KIAA2013: variants seen among roughly 807,000 people sequenced by gnomAD.
The protein encoded by KIAA2013 is uncharacterized protein KIAA2013.
KIAA2013 carries 20 observed loss-of-function variants against 39.9 expected under a neutral mutation model. The observed-to-expected ratio is 0.50, with a 90% CI of 0.35 to 0.73. KIAA2013 has a LOEUF of 0.73. Among genes scored for constraint, KIAA2013 ranks in the 30% least tolerant of loss-of-function variants. The pLI is 0.01. For missense variants in KIAA2013, 587 were observed against 856.1 expected, an observed-to-expected ratio of 0.69 and a Z score of 3.92; for synonymous variants, 336 against 416.6, an observed-to-expected ratio of 0.81 and a Z score of 2.35.
intron 2 of KIAA2013, among the ~76,000 whole-genome samples, chr1:11,921,750 G>A (rs9786969): frequency 0.23 from 35,534 of 151,618 alleles, 4,356 homozygotes; most frequent in African/African-American, 0.31. Context: ...GGGTTTCACC[G>A]TGTTGGCCAG....
chr1:11,920,792 C>T (rs72857780), intron 2 of KIAA2013, among the ~76,000 whole-genome samples: 2,269 of 152,302 alleles, frequency 0.015, 51 homozygotes, highest in African/African-American at 0.052. Context: ...GATTTTTCTT[C>T]GAACTTGAGG....
In KIAA2013 at chr1:11,925,818, C is replaced by T. The variant is rs751062623; in HGVS notation, c.420G>A (p.Ala140=). 6.5e-6 allele frequency: 10 copies of T among 1,540,110 alleles called. No individual in the cohort carries two copies. The highest frequency in any genetic ancestry group is 8.7e-6 in the Non-Finnish European group (10 of 1,151,128). Residue 140 remains alanine, a synonymous_variant, in exon 1 of 3, where the codon GCG becomes GCA. Transcript: ENST00000376572. The surrounding 1 kb of genome is among the most constrained non-coding windows in gnomAD (Gnocchi z 5.2). ...GAAGCCCCTCCCGCAGCAGCAGCAC[C>T]GCCTCTCCAGCTTCAGCCAGCGCGC... ...PLSALAEAGE[A]VLLLREGLLR... is the part of the protein sequence containing the mutation.
rs946160469 is a variant in KIAA2013 at position 11,923,677 on chromosome 1, G to T, written c.1034-188C>A. Among the ~76,000 whole-genome samples the T allele has an allele frequency of 2.0e-5, 3 of 152,136 alleles. No homozygotes were observed. The highest frequency in any genetic ancestry group is 7.2e-5 in the African/African-American group (3 of 41,426). On this transcript the variant is annotated intron_variant, in intron 1 of 2. Coordinates refer to ENST00000376572, the MANE Select transcript of KIAA2013 (RefSeq NM_138346.3). The surrounding 1 kb of genome is among the most constrained non-coding windows in gnomAD (Gnocchi z 4.6). ...TTTACACGACCAACTTGAGCCTGTG[G>T]GCCTGAAATCTAGAATCCTGTTAAA...
Position 11,925,870 on chromosome 1 carries a change from A to G in KIAA2013, c.368T>C (p.Val123Ala), listed in dbSNP as rs1403095073. ...CAGCGGGCGCAGCTGCACGAAGGGC[A>G]CAAAGTCCGGCGCCACGGCGGGCTC... ...EREPAVAPDF[V>A]PFVQLRPLSA... The change falls in exon 1 of 3, where the codon GTG (valine) becomes GCG (alanine). Residue 123 changes from valine (V) to alanine (A), a missense_variant. By Grantham distance (64) the Val-to-Ala change is moderately conservative. Coordinates refer to ENST00000376572, the MANE Select transcript of KIAA2013 (RefSeq NM_138346.3). This position sits in a 1 kb window ranked among gnomAD's most constrained non-coding sequence, Gnocchi z 5.2. The G allele has an allele frequency of 2.6e-6, 4 of 1,530,658 alleles. No homozygotes were observed. Among genetic ancestry groups the G allele is most frequent in the Non-Finnish European group, 3.5e-6 (4 of 1,145,724 alleles). The allele number at this position is 1,530,658 out of a possible 1,614,324, so 94.8% of individuals were successfully genotyped here. A position where few individuals can be genotyped will look rare whatever the true frequency, so the allele number is the denominator to read the frequency against.
In KIAA2013 at chr1:11,923,295, C is replaced by T. The variant is rs145773140; in HGVS notation, c.1228G>A (p.Glu410Lys). The T allele has an allele frequency of 3.2e-3, 5,130 of 1,613,290 alleles. 18 individuals are homozygous for T. Among genetic ancestry groups the T allele is most frequent in the Non-Finnish European group, 3.9e-3 (4,648 of 1,179,510 alleles). Reference protein sequence around the residue: ...CFSGHATMHAENLWPGRLSSV... With the variant: ...CFSGHATMHAKNLWPGRLSSV... Reference sequence around the variant, plus strand: ...GACAGCCGCCCCGGCCACAGGTTCTCGGCGTGCATGGTGGCGTGCCCGCTG... The same window carrying T: ...GACAGCCGCCCCGGCCACAGGTTCTTGGCGTGCATGGTGGCGTGCCCGCTG... The change falls in exon 2 of 3, where the codon GAG becomes AAG. Residue 410 changes from glutamate to lysine, a missense_variant. Coordinates refer to ENST00000376572, the MANE Select transcript of KIAA2013 (RefSeq NM_138346.3). This position sits in a 1 kb window ranked among gnomAD's most constrained non-coding sequence, Gnocchi z 4.6.
chr1:11,921,447 T>C (rs367647538), intron 2 of KIAA2013, among the ~76,000 whole-genome samples: 7 of 152,150 alleles, frequency 4.6e-5, no homozygotes, highest in African/African-American at 1.4e-4. Context: ...AACAGGCACA[T>C]GGGGGGAAGC....
chr1:11,923,694 C>T lies in KIAA2013; in HGVS notation c.1034-205G>A, dbSNP rs1257855485. On this transcript the variant is annotated intron_variant, in intron 1 of 2. Transcript: ENST00000376572. The surrounding 1 kb of genome is among the most constrained non-coding windows in gnomAD (Gnocchi z 4.6). ...AGCCTGTGGGCCTGAAATCTAGAAT[C>T]CTGTTAAAAAGCAGCGGGGCCTGGT... 2.0e-5 allele frequency among the ~76,000 whole-genome samples: 3 copies of T among 152,120 alleles called. No individual in the cohort carries two copies. Among genetic ancestry groups the T allele is most frequent in the Non-Finnish European group, 4.4e-5 (3 of 68,020 alleles).
Position 11,924,679 on chromosome 1 carries a change from G to A in KIAA2013, c.1033+526C>T, listed in dbSNP as rs74536935. Among the ~76,000 whole-genome samples the A allele has an allele frequency of 2.1e-3, 326 of 152,252 alleles. 4 individuals are homozygous for A. In the East Asian group the frequency reaches 0.04, roughly 19 times the overall value. On this transcript the variant is annotated intron_variant, in intron 1 of 2. Transcript: ENST00000376572. ...GATTTTCTTTTCTTTAACAGTCAAC[G>A]AGAGGAGAGTTTTCATCGGGCGGGA...
At position 11,920,016 on chromosome 1, in the gene KIAA2013, G is replaced by T; in HGVS notation, c.*299C>A. 2.1e-6 allele frequency: 1 copy of T among 475,438 alleles called. No individual in the cohort carries two copies. The allele number at this position is 475,438 out of a possible 1,614,324, so 29.5% of individuals were successfully genotyped here. ...CTTTTCAAAAGATGATCTATTTCCT[G>T]GGACAGAAGAAAGGGGGAAAGTGGA... On this transcript the variant is annotated 3_prime_UTR_variant, in exon 3 of 3. Coordinates refer to ENST00000376572, the MANE Select transcript of KIAA2013 (RefSeq NM_138346.3).
Position 11,920,387 on chromosome 1 carries a change from A to G in KIAA2013, c.1888-55T>C, listed in dbSNP as rs535296425. 4.2e-5 allele frequency: 67 copies of G among 1,592,138 alleles called. No homozygotes were observed. In the East Asian group the frequency reaches 1.5e-3, roughly 36 times the overall value. ...CTGTTCACTGCCAACCCCAGTGGCC[A>G]GCTATAGAAATAGGCTACGGAGACA... is the stretch of plus-strand genomic sequence containing the variant. On this transcript the variant is annotated intron_variant, in intron 2 of 2. Coordinates refer to ENST00000376572, the MANE Select transcript of KIAA2013 (RefSeq NM_138346.3).
intron 2 of KIAA2013, among the ~76,000 whole-genome samples, chr1:11,921,543 T>C (rs1205391375): frequency 2.0e-5 from 3 of 151,416 alleles, no homozygotes; most frequent in Non-Finnish European, 4.4e-5. Flanking sequence ...ATTATTATTA[T>C]TTATTATTTA....
At position 11,925,756 on chromosome 1, in the gene KIAA2013, C is replaced by A; in HGVS notation, c.482G>T (p.Gly161Val). 2 of 1,545,558 alleles carry A rather than the reference C, an allele frequency of 1.3e-6. No homozygotes were observed. Among genetic ancestry groups the A allele is most frequent in the East Asian group, 2.4e-5 (1 of 42,332 alleles). ...RVRCLQLGSP[G>V]PGPVAAGPGP... ...GGGGCCGGCGGCCACGGGGCCAGGACCTGGGGACCCCAGCTGCAGGCAACG... is the reference window on the plus strand; with the variant it reads ...GGGGCCGGCGGCCACGGGGCCAGGAACTGGGGACCCCAGCTGCAGGCAACG... Residue 161 changes from glycine (G) to valine (V), a missense_variant, in exon 1 of 3, where the codon GGT becomes GTT. Physicochemically the swap from Gly to Val is moderately radical, Grantham distance 109. Transcript: ENST00000376572. The surrounding 1 kb of genome is among the most constrained non-coding windows in gnomAD (Gnocchi z 5.2).
rs746334208 is a variant in KIAA2013 at position 11,923,359 on chromosome 1, G to T, written c.1164C>A (p.Asp388Glu). The T allele has an allele frequency of 1.2e-6, 2 of 1,613,346 alleles. No homozygotes were observed. Among genetic ancestry groups the T allele is most frequent in the Non-Finnish European group, 1.7e-6 (2 of 1,180,028 alleles). The change falls in exon 2 of 3, where the codon GAC becomes GAA. Residue 388 changes from aspartate to glutamate, a missense_variant. Transcript: ENST00000376572. The surrounding 1 kb of genome is among the most constrained non-coding windows in gnomAD (Gnocchi z 4.6). ...LSPSLSHRER[D>E]QMESTLNYED... ...CATAGTTGAGCGTCGACTCCATCTGGTCTCGCTCCCTGTGGCTCAGGGAGG... is the reference window on the plus strand; with the variant it reads ...CATAGTTGAGCGTCGACTCCATCTGTTCTCGCTCCCTGTGGCTCAGGGAGG...
At chr1:11,924,238 C>T (rs774062665) in intron 1 of KIAA2013, among the ~76,000 whole-genome samples, 4 of 145,254 alleles carry the variant, frequency 2.8e-5, no homozygotes, top group Non-Finnish European at 6.1e-5. Context: ...CCAAGGTGGA[C>T]GGATCATGAG....
intron 2 of KIAA2013, among the ~76,000 whole-genome samples, chr1:11,920,917 G>C (rs1246259569): frequency 6.6e-6 from 1 of 152,154 alleles, no homozygotes; most frequent in Non-Finnish European, 1.5e-5. Context: ...GGATGTGATG[G>C]GACACTTCCC....
intron 2 of KIAA2013, 198 bp downstream of exon 2, chr1:11,922,438 C>A (rs1400546524): frequency 1.4e-5 from 21 of 1,460,282 alleles, no homozygotes; most frequent in Non-Finnish European, 1.8e-5. Context: ...TCAATTCACA[C>A]CTGGATTTCC....
chr1:11,926,186 A>T lies in KIAA2013; in HGVS notation c.52T>A (p.Trp18Arg). ...AGCAGGCAGAGGAGGCGGCGGGCCC[A>T]GCTGCTCGACAGCAGTCCCGGCAGC... ...KGLPGLLSSSWARRLLCLLGL... is the reference protein window; with the variant it reads ...KGLPGLLSSSRARRLLCLLGL... The change falls in exon 1 of 3, where the codon TGG becomes AGG. Residue 18 changes from tryptophan to arginine, a missense_variant. Physicochemically the swap from Trp to Arg is moderately radical, Grantham distance 101 (BLOSUM62 -3). Transcript: ENST00000376572. The T allele has an allele frequency of 7.2e-7, 1 of 1,380,002 alleles. No homozygotes were observed. The highest frequency in any genetic ancestry group is 1.3e-5 in the South Asian group (1 of 74,152). The allele number at this position is 1,380,002 out of a possible 1,614,324, so 85.5% of individuals were successfully genotyped here. A position where few individuals can be genotyped will look rare whatever the true frequency, so the allele number is the denominator to read the frequency against.
chr1:11,923,254 G>T lies in KIAA2013; in HGVS notation c.1269C>A (p.Ile423=), dbSNP rs1363345632. 7.4e-6 allele frequency: 12 copies of T among 1,613,720 alleles called. No homozygotes were observed. The highest frequency in any genetic ancestry group is 1.1e-5 in the South Asian group (1 of 91,050). The part of the protein sequence containing the change: ...WPGRLSSVQQ[I]LQLSDLWRLT... The stretch of plus-strand genomic sequence containing the variant: ...GCCTCCACAGGTCAGAGAGCTGCAG[G>T]ATCTGCTGGACGGAGGACAGCCGCC... The change falls in exon 2 of 3, where the codon ATC becomes ATA. Residue 423 remains isoleucine, a synonymous_variant. Coordinates refer to ENST00000376572, the MANE Select transcript of KIAA2013 (RefSeq NM_138346.3). This position sits in a 1 kb window ranked among gnomAD's most constrained non-coding sequence, Gnocchi z 4.6.
chr1:11,923,000 T>G lies in KIAA2013; in HGVS notation c.1523A>C (p.His508Pro). 1 of 1,612,780 alleles carries G rather than the reference T, an allele frequency of 6.2e-7. No individual in the cohort carries two copies. Among genetic ancestry groups the G allele is most frequent in the Non-Finnish European group, 8.5e-7 (1 of 1,178,986 alleles). ...CTGGCCACGGGACTCCACGGACACG[T>G]GTAGGTAGGGCTTGCCCTCGGCATC... Reference protein sequence around the residue: ...LADAEGKPYLHVSVESRGQPV... With the variant: ...LADAEGKPYLPVSVESRGQPV... The change falls in exon 2 of 3, where the codon CAC (histidine) becomes CCC (proline). Residue 508 changes from histidine to proline, a missense_variant. Physicochemically the swap from His to Pro is moderately conservative, Grantham distance 77. Transcript: ENST00000376572.
Sources: gnomAD v4.1 joint callset for allele counts (sites outside exome capture counted in the v4.1 genomes callset) on GRCh38, gnomAD v4.1.1 for gene constraint, Gnocchi (gnomAD v3.1) non-coding constraint, MANE v1.5 for transcripts, NCBI Gene and HGNC (gene_info 2026-07-23, HGNC 2026-07-21) for gene names.